GAP43: variants seen among roughly 807,000 people sequenced by gnomAD.
GAP43 encodes growth associated protein 43.
Under a neutral mutation model 18.6 loss-of-function variants are expected in GAP43, and 6 were observed. The observed-to-expected ratio is 0.32, with a 90% CI of 0.18 to 0.64. The LOEUF is 0.64. Ranked by LOEUF, GAP43 falls within the 30% of genes least tolerant of loss-of-function variation. GAP43 has a pLI of 0.78. For missense variants in GAP43, 292 were observed against 295.5 expected (o/e 0.99, Z 0.09); for synonymous variants, 115 against 111.4 (o/e 1.03, Z -0.20).
At chr3:115,639,810 G>A (rs1200407715) in intron 1 of GAP43, among the ~76,000 whole-genome samples, 3 of 151,998 alleles carry the variant, frequency 2.0e-5, no homozygotes, top group African/African-American at 7.2e-5. Flanking sequence ...CCTGGGGGAC[G>A]GATCTGGGAA....
At chr3:115,690,082 A>G (rs1709088358) in intron 2 of GAP43, among the ~76,000 whole-genome samples, 1 of 152,236 alleles carries the variant, frequency 6.6e-6, no homozygotes, top group African/African-American at 2.4e-5. Flanking sequence ...AGATGGTTTT[A>G]TGGGATCTTC....
chr3:115,711,583 ACACT>A (rs1218187991), intron 2 of GAP43, among the ~76,000 whole-genome samples: 2 of 152,180 alleles, frequency 1.3e-5, no homozygotes, highest in African/African-American at 2.4e-5. Flanking sequence ...TTAGTTAACA[ACACT>A]CACTATCGCA....
intron 1 of GAP43, among the ~76,000 whole-genome samples, chr3:115,649,639 T>C (rs924968001): frequency 1.3e-5 from 2 of 151,740 alleles, no homozygotes; most frequent in Admixed American, 6.6e-5. Context: ...ACAAGAAATG[T>C]ATTGAAATGG....
At chr3:115,692,615 C>G (rs149126999) in intron 2 of GAP43, among the ~76,000 whole-genome samples, 1 of 152,262 alleles carries the variant, frequency 6.6e-6, no homozygotes, top group Non-Finnish European at 1.5e-5. Context: ...TATGATGAAG[C>G]ATTGGTGAGG....
intron 1 of GAP43, among the ~76,000 whole-genome samples, chr3:115,630,639 A>T (rs765085739): frequency 1.3e-5 from 2 of 152,174 alleles, no homozygotes; most frequent in Admixed American, 6.5e-5. Flanking sequence ...TCAACTGGTA[A>T]GGTTCAGTAG....
Position 115,704,293 on chromosome 3 carries a change from G to T in GAP43, c.629-16501G>T, listed in dbSNP as rs143322979. Among the ~76,000 whole-genome samples the T allele has an allele frequency of 5.0e-3, 759 of 152,102 alleles. 4 individuals are homozygous for T. Among genetic ancestry groups the T allele is most frequent in the Middle Eastern group, 0.01 (3 of 294 alleles). On this transcript the variant is annotated intron_variant, in intron 2 of 2. Transcript: ENST00000305124. ...TTCCTCTTCCTCAGGATAGTGCAAC[G>T]ATCTCTTAAATTCTTAGATATGATA...
chr3:115,661,579 C>T (rs556046854), intron 1 of GAP43, among the ~76,000 whole-genome samples: 8 of 152,276 alleles, frequency 5.3e-5, no homozygotes, highest in African/African-American at 7.2e-5. Context: ...AGCTCTGCCT[C>T]CCGGGTTCAC....
At chr3:115,650,221 T>G (rs143538558) in intron 1 of GAP43, among the ~76,000 whole-genome samples, 96 of 152,232 alleles carry the variant, frequency 6.3e-4, no homozygotes, top group Admixed American at 1.8e-3. Flanking sequence ...TCTCTTCACA[T>G]CCCTCACAGG....
At chr3:115,650,197 C>T (rs1449937336) in intron 1 of GAP43, among the ~76,000 whole-genome samples, 1 of 152,120 alleles carries the variant, frequency 6.6e-6, no homozygotes, top group Non-Finnish European at 1.5e-5. Flanking sequence ...TGTCTCTCAT[C>T]CTGTGGTTAT....
At chr3:115,693,327 A>T (rs900129514) in intron 2 of GAP43, among the ~76,000 whole-genome samples, 4 of 152,140 alleles carry the variant, frequency 2.6e-5, no homozygotes, top group Non-Finnish European at 4.4e-5. Flanking sequence ...AAGTAGTCCA[A>T]GGAAATGCTG....
rs181106916 is a variant in GAP43, at chr3:115,668,214, C to G, written c.31-7799C>G. ...TCAAGTGATTCTGTCTGGCTTGTGC[C>G]TTGGTACATGACCAGCATGATTAAC... is the stretch of plus-strand genomic sequence containing the variant. On this transcript the variant is annotated intron_variant, in intron 1 of 2. Transcript: ENST00000305124. Among the ~76,000 whole-genome samples, 5 of 152,268 alleles carry G rather than the reference C, an allele frequency of 3.3e-5. 1 individual carries two copies. Among genetic ancestry groups the G allele is most frequent in the African/African-American group, 1.2e-4 (5 of 41,546 alleles).
chr3:115,626,355 T>G (rs1708188353), intron 1 of GAP43, among the ~76,000 whole-genome samples: 1 of 152,106 alleles, frequency 6.6e-6, no homozygotes, highest in Non-Finnish European at 1.5e-5. Flanking sequence ...TTGAGCGGCA[T>G]AAAGAAGCAA....
chr3:115,693,037 C>A (rs1368222235), intron 2 of GAP43, among the ~76,000 whole-genome samples: 1 of 152,162 alleles, frequency 6.6e-6, no homozygotes, highest in Non-Finnish European at 1.5e-5. Context: ...ACGCCTGACA[C>A]GCCTGCCTTC....
At chr3:115,652,624 G>A (rs532893254) in intron 1 of GAP43, among the ~76,000 whole-genome samples, 1 of 152,072 alleles carries the variant, frequency 6.6e-6, no homozygotes, top group South Asian at 2.1e-4. Context: ...AAGTTCAAGT[G>A]ATCCTCCCAC....
chr3:115,632,865 T>C (rs1037570039), intron 1 of GAP43, among the ~76,000 whole-genome samples: 4 of 152,154 alleles, frequency 2.6e-5, no homozygotes, highest in African/African-American at 9.7e-5. Flanking sequence ...TGGTTAATGG[T>C]ATCACCTTTA....
At chr3:115,701,097 C>T (rs1180937449) in intron 2 of GAP43, among the ~76,000 whole-genome samples, 1 of 152,126 alleles carries the variant, frequency 6.6e-6, no homozygotes, top group African/African-American at 2.4e-5. Context: ...GCAACCATCT[C>T]CTCTCCCGTT....
chr3:115,627,056 T>A (rs1301466601), intron 1 of GAP43, among the ~76,000 whole-genome samples: 5 of 151,640 alleles, frequency 3.3e-5, no homozygotes, highest in African/African-American at 7.3e-5. Context: ...TTTTTTTTTT[T>A]AATAGTGATT....
chr3:115,639,957 G>A (rs562459724), intron 1 of GAP43, among the ~76,000 whole-genome samples: 1 of 152,176 alleles, frequency 6.6e-6, no homozygotes, highest in East Asian at 1.9e-4. Flanking sequence ...TCTTTCTGAA[G>A]TGAAGCTAAA....
chr3:115,689,837 A>G (rs779603868), intron 2 of GAP43, among the ~76,000 whole-genome samples: 3 of 152,222 alleles, frequency 2.0e-5, no homozygotes, highest in Non-Finnish European at 2.9e-5. Flanking sequence ...CAGGGGAGGC[A>G]GAAAGAATAA....
Sources: allele counts gnomAD v4.1 joint callset (sites outside exome capture counted in the v4.1 genomes callset), GRCh38; gene constraint gnomAD v4.1.1; transcripts MANE v1.5; gene names NCBI Gene and HGNC (gene_info 2026-07-23, HGNC 2026-07-21).